The following ZNF83 variants were observed in gnomAD, a reference collection of about 807,000 sequenced individuals.
ZNF83 encodes zinc finger protein 816B.
For missense variants in ZNF83, 552 were observed against 629.9 expected (o/e 0.88, Z 1.32); for synonymous variants, 209 against 213.0 (o/e 0.98, Z 0.17).
chr19:52,643,333 CCA>C (rs2061331828), upstream of ZNF83, among the ~76,000 whole-genome samples: 1 of 147,504 alleles, frequency 6.8e-6, no homozygotes, highest in Non-Finnish European at 1.5e-5. Flanking sequence ...ACAGGCTGGA[CCA>C]CAGAGTCAGA....
chr19:52,648,041 G>T lies in ZNF83; in HGVS notation c.-74+7520C>A, dbSNP rs2061396092. ...AATCCCTCCTCCTCTCCCTCACTCT[G>T]ATGAGCCTCCCTTTTTGCTGCCCCT... On this transcript the variant is annotated intron_variant, in intron 3 of 5. Coordinates refer to the ZNF83 transcript ENST00000594682. Among the ~76,000 whole-genome samples the T allele has an allele frequency of 2.0e-5, 3 of 151,440 alleles. 1 individual carries two copies. In the South Asian group the frequency reaches 6.2e-4, roughly 32 times the overall value.
chr19:52,626,797 T>A (rs955829709), intron 2 of ZNF83, among the ~76,000 whole-genome samples: 1 of 152,002 alleles, frequency 6.6e-6, no homozygotes, highest in African/African-American at 2.4e-5. Flanking sequence ...CTGAGAAACA[T>A]CATCCATTAT....
intron 3 of ZNF83, among the ~76,000 whole-genome samples, chr19:52,649,655 T>G (rs920950700): frequency 1.3e-5 from 2 of 152,166 alleles, no homozygotes; most frequent in African/African-American, 2.4e-5. Flanking sequence ...CCCTAAAAAC[T>G]TTCTAAAAAG....
intron 2 of ZNF83, among the ~76,000 whole-genome samples, chr19:52,615,465 G>A (rs543352402): frequency 6.6e-6 from 1 of 152,278 alleles, no homozygotes; most frequent in Non-Finnish European, 1.5e-5. Flanking sequence ...GGGGCCAGGT[G>A]CGGTGGCTCA....
intron 2 of ZNF83, among the ~76,000 whole-genome samples, chr19:52,631,674 C>T (rs2060967266): frequency 6.6e-6 from 1 of 152,204 alleles, no homozygotes; most frequent in African/African-American, 2.4e-5. Flanking sequence ...ATGACTGTAT[C>T]TCTCTGATCC....
upstream of ZNF83, among the ~76,000 whole-genome samples, chr19:52,639,332 C>T (rs1012942965): frequency 4.0e-5 from 6 of 151,780 alleles, no homozygotes; most frequent in African/African-American, 1.5e-4. Context: ...GTAATCCGCC[C>T]GCCTCGGCCT....
chr19:52,629,491 A>G (rs2060869698), intron 2 of ZNF83, among the ~76,000 whole-genome samples: 1 of 151,958 alleles, frequency 6.6e-6, no homozygotes, highest in East Asian at 1.9e-4. Flanking sequence ...ATTCTTCCTC[A>G]GCCTCCGCTC....
At chr19:52,659,317 G>C (rs2061547236) in intron 2 of ZNF83, among the ~76,000 whole-genome samples, 1 of 152,134 alleles carries the variant, frequency 6.6e-6, no homozygotes, top group Non-Finnish European at 1.5e-5. Context: ...AAGCCAGTGA[G>C]TAATCAGTAA....
At chr19:52,653,008 T>C in intron 3 of ZNF83, 1 of 1,403,138 alleles carries the variant, frequency 7.1e-7, no homozygotes, top group Non-Finnish European at 1.0e-6. Flanking sequence ...AACTCTCTGA[T>C]GTTGTGCAAG....
upstream of ZNF83, among the ~76,000 whole-genome samples, chr19:52,643,340 G>A (rs899150698): frequency 7.2e-6 from 1 of 139,412 alleles, no homozygotes; most frequent in Non-Finnish European, 1.5e-5. Flanking sequence ...GGACCACAGA[G>A]TCAGACTCTG....
chr19:52,666,036 T>C (rs146001436), intron 1 of ZNF83, among the ~76,000 whole-genome samples: 16 of 149,128 alleles, frequency 1.1e-4, no homozygotes, highest in South Asian at 2.1e-4. Context: ...TGGTGATGGG[T>C]GCCTGTAGTC....
chr19:52,685,915 A>T (rs112418463), intron 1 of ZNF83, among the ~76,000 whole-genome samples: 104,572 of 149,312 alleles, frequency 0.7, 38,302 homozygotes, highest in African/African-American at 0.91. Context: ...AAAAAAAAAA[A>T]AAAAAAAAAA....
intron 2 of ZNF83, among the ~76,000 whole-genome samples, chr19:52,634,731 A>G (rs1218365562): frequency 6.6e-6 from 1 of 152,102 alleles, no homozygotes; most frequent in East Asian, 1.9e-4. Context: ...ATCCTGGTCC[A>G]CAGAGAGTTG....
chr19:52,661,230 C>T (rs1049308973), intron 1 of ZNF83, among the ~76,000 whole-genome samples: 7 of 152,092 alleles, frequency 4.6e-5, no homozygotes, highest in Admixed American at 2.0e-4. Flanking sequence ...AGACCTTACC[C>T]GGTATAAAGA....
chr19:52,631,529 C>A (rs1385758061), intron 2 of ZNF83, among the ~76,000 whole-genome samples: 1 of 152,166 alleles, frequency 6.6e-6, no homozygotes, highest in African/African-American at 2.4e-5. Context: ...CTTCCTCATA[C>A]CTGATGCATA....
At chr19:52,688,315 T>A (rs1475337605) in intron 1 of ZNF83, among the ~76,000 whole-genome samples, 1 of 151,366 alleles carries the variant, frequency 6.6e-6, no homozygotes, top group African/African-American at 2.4e-5. Flanking sequence ...GGATTACAGG[T>A]GCGCACCATC....
At chr19:52,639,413 C>CTTTTTTTTTCTTTTT (rs1206783591), upstream of ZNF83, among the ~76,000 whole-genome samples, 3 of 53,872 alleles carry the variant, frequency 5.6e-5, no homozygotes, top group South Asian at 5.6e-4. Context: ...TTAGTTTTTT[C>CTTTTTTTTTCTTTTT]TATTTTTTTT....
intron 1 of ZNF83, among the ~76,000 whole-genome samples, chr19:52,683,989 A>G (rs1265177270): frequency 2.0e-5 from 3 of 152,114 alleles, no homozygotes; most frequent in African/African-American, 7.2e-5. Flanking sequence ...ATTCCAGTAC[A>G]CCGGGAGACC....
chr19:52,687,573 AAATTT>A (rs1568588679), intron 1 of ZNF83, among the ~76,000 whole-genome samples: 16 of 36,000 alleles, frequency 4.4e-4, no homozygotes, highest in African/African-American at 1.6e-3. Context: ...ATATATATAT[AAATTT>A]TATATATATA....
Sources: allele counts gnomAD v4.1 joint callset (sites outside exome capture counted in the v4.1 genomes callset), GRCh38; gene constraint gnomAD v4.1.1; transcripts MANE v1.5; gene names NCBI Gene and HGNC (gene_info 2026-07-23, HGNC 2026-07-21).